Variants in COL4A1 observed in about 807,000 individuals in gnomAD.
COL4A1 encodes the protein collagen type IV alpha 1 chain, also known as collagen alpha-1(IV) chain.
In COL4A1, 40 loss-of-function variants were observed where a neutral mutation model predicts 216.6. The observed-to-expected ratio is 0.18, with a 90% CI of 0.14 to 0.24. The LOEUF (loss-of-function observed/expected upper bound fraction) is 0.24, where lower values mean the gene tolerates loss of function less well. Ranked by LOEUF, COL4A1 falls within the 10% of genes least tolerant of loss-of-function variation. COL4A1 has a pLI of 1.00. For synonymous variants in COL4A1, 839 were observed against 810.7 expected (o/e 1.03, Z -0.59); for missense variants, 1,628 against 2,196.8 (o/e 0.74, Z 5.18).
intron 1 of COL4A1, among the ~76,000 whole-genome samples, chr13:110,297,665 A>C (rs1389570793): frequency 6.6e-6 from 1 of 152,232 alleles, no homozygotes; most frequent in Non-Finnish European, 1.5e-5. Flanking sequence ...AGAAGAGAAC[A>C]GTGCAAGTGC....
At chr13:110,200,540 T>C (rs1265149271) in intron 20 of COL4A1, among the ~76,000 whole-genome samples, 1 of 151,886 alleles carries the variant, frequency 6.6e-6, no homozygotes, top group Non-Finnish European at 1.5e-5. Context: ...ACCTGCTCAG[T>C]GGGAGCCGTG....
chr13:110,219,942 G>GTA (rs1228791731), intron 2 of COL4A1, among the ~76,000 whole-genome samples: 3 of 85,804 alleles, frequency 3.5e-5, no homozygotes, highest in Admixed American at 1.5e-4. Flanking sequence ...ATATGTGTGT[G>GTA]TATATATACA....
intron 51 of COL4A1, among the ~76,000 whole-genome samples, chr13:110,150,885 T>C (rs1834233467): frequency 6.6e-6 from 1 of 152,248 alleles, no homozygotes; most frequent in South Asian, 2.1e-4. Flanking sequence ...TAAGTATTCA[T>C]TAAATATTTG....
intron 2 of COL4A1, among the ~76,000 whole-genome samples, chr13:110,221,252 T>A (rs775591058): frequency 6.6e-6 from 1 of 152,206 alleles, no homozygotes; most frequent in Non-Finnish European, 1.5e-5. Context: ...ATATTTCTGA[T>A]AGATCCACAT....
Position 110,156,585 on chromosome 13 carries a change from G to A in COL4A1, c.4641-1188C>T, listed in dbSNP as rs181816727. On this transcript the variant is annotated intron_variant, in intron 49 of 51. Transcript: ENST00000375820. ...CCAGGCTGATTCAGCTCAGCCTTGG[G>A]ACTGCACCAGAAACACATTAAAACA... Among the ~76,000 whole-genome samples, 78 of 152,274 alleles carry A rather than the reference G, an allele frequency of 5.1e-4. No homozygotes were observed. The East Asian group carries it at 0.012, about 23-fold the overall frequency.
Position 110,186,453 on chromosome 13 carries a change from G to A in COL4A1, c.1829C>T (p.Pro610Leu), listed in dbSNP as rs779327410. 6.2e-7 allele frequency: 1 copy of A among 1,613,848 alleles called. No individual in the cohort carries two copies. Among genetic ancestry groups the A allele is most frequent in the Non-Finnish European group, 8.5e-7 (1 of 1,179,998 alleles). ...TGPPGPPGYG[P>L]AGPIGDKGQA... is the part of the protein sequence containing the mutation. ...TCCTTTGTCACCAATGGGACCAGCA[G>A]GACCATATCCTGGAGGCCCAGGGGG... The change falls in exon 26 of 52, where the codon CCT becomes CTT. Residue 610 changes from proline to leucine, a missense_variant. By Grantham distance (98) the Pro-to-Leu change is moderately conservative. Transcript: ENST00000375820.
At chr13:110,249,184 G>A (rs932979115) in intron 1 of COL4A1, among the ~76,000 whole-genome samples, 9 of 152,052 alleles carry the variant, frequency 5.9e-5, no homozygotes, top group Non-Finnish European at 7.3e-5. Context: ...GACCTTCTGC[G>A]GGGGTGTGGC....
At chr13:110,163,678 A>G in intron 46 of COL4A1, 117 bp from the exon 47 acceptor site, 1 of 995,954 alleles carries the variant, frequency 1.0e-6, no homozygotes, top group Non-Finnish European at 1.5e-6. Context: ...CTCACTGCAG[A>G]TGAGAACGTT....
chr13:110,152,263 G>A (rs746961778), intron 51 of COL4A1, 71 bp downstream of exon 51: 1 of 1,592,392 alleles, frequency 6.3e-7, no homozygotes, highest in Non-Finnish European at 8.5e-7. Flanking sequence ...AGGTGTTACG[G>A]ATCGCGGATG....
chr13:110,250,757 T>G (rs1882036758), intron 1 of COL4A1, among the ~76,000 whole-genome samples: 2 of 152,198 alleles, frequency 1.3e-5, no homozygotes, highest in African/African-American at 4.8e-5. Context: ...GGGGCGAGCC[T>G]TCCCGTGCTT....
intron 29 of COL4A1, among the ~76,000 whole-genome samples, chr13:110,180,503 TG>T (rs1035084219): frequency 1.3e-5 from 2 of 152,244 alleles, no homozygotes; most frequent in African/African-American, 4.8e-5. Flanking sequence ...AGGCCCCACC[TG>T]GGTCCATCAC....
intron 11 of COL4A1, 88 bp downstream of exon 11, chr13:110,209,304 G>GTA: frequency 8.1e-7 from 1 of 1,228,742 alleles, no homozygotes; most frequent in Non-Finnish European, 1.2e-6. Flanking sequence ...TTTTTTTAGA[G>GTA]ACTGAAAGAA....
At position 110,177,005 on chromosome 13, in the gene COL4A1, T is replaced by G; in HGVS notation, c.2749A>C (p.Arg917=). The G allele has an allele frequency of 6.2e-7, 1 of 1,614,098 alleles. No individual in the cohort carries two copies. The highest frequency in any genetic ancestry group is 8.5e-7 in the Non-Finnish European group (1 of 1,180,032). The change falls in exon 34 of 52, where the codon AGG becomes CGG. Residue 917 remains arginine (R), a synonymous_variant. Transcript: ENST00000375820. ...TCACCTTTCAAGCCAGGGTCTCCCC[T>G]GGGTCCTGAGGAGCCCGGAAAGCCA... The part of the protein sequence containing the change: ...DHGFPGSSGP[R]GDPGLKGDKG...
chr13:110,185,636 G>A (rs948870263), intron 26 of COL4A1, among the ~76,000 whole-genome samples: 23 of 152,188 alleles, frequency 1.5e-4, no homozygotes, highest in African/African-American at 5.1e-4. Context: ...AAGAACAGGC[G>A]TGCTCCATGT....
At chr13:110,288,877 C>G (rs1883958420) in intron 1 of COL4A1, among the ~76,000 whole-genome samples, 1 of 152,094 alleles carries the variant, frequency 6.6e-6, no homozygotes, top group Non-Finnish European at 1.5e-5. Context: ...ACTAAAAATA[C>G]AAAAATTAGC....
chr13:110,167,705 A>C (rs1051890642), intron 43 of COL4A1, among the ~76,000 whole-genome samples: 2 of 152,242 alleles, frequency 1.3e-5, no homozygotes, highest in African/African-American at 4.8e-5. Flanking sequence ...ATATGCAAAG[A>C]AAATTAAGAA....
intron 1 of COL4A1, among the ~76,000 whole-genome samples, chr13:110,280,246 T>G (rs574101089): frequency 1.3e-5 from 2 of 152,376 alleles, no homozygotes; most frequent in African/African-American, 4.8e-5. Flanking sequence ...CTTAGTTTGC[T>G]GCGTGTTTGC....
intron 2 of COL4A1, among the ~76,000 whole-genome samples, chr13:110,233,953 G>A (rs1369221759): frequency 1.3e-5 from 2 of 152,220 alleles, no homozygotes; most frequent in African/African-American, 2.4e-5. Flanking sequence ...TTAGCTGGAT[G>A]GGGATCCATG....
chr13:110,150,016 T>C lies in COL4A1; in HGVS notation c.*347A>G. 2.8e-6 allele frequency: 1 copy of C among 354,162 alleles called. No homozygotes were observed. Among genetic ancestry groups the C allele is most frequent in the Non-Finnish European group, 5.5e-6 (1 of 183,412 alleles). The allele number at this position is 354,162 out of a possible 1,614,324, so 21.9% of individuals were successfully genotyped here. A position where few individuals can be genotyped will look rare whatever the true frequency, so the allele number is the denominator to read the frequency against. On this transcript the variant is annotated 3_prime_UTR_variant, in exon 52 of 52. Transcript: ENST00000375820. ...ATTAATTATAATACAAGAATGAAAA[T>C]GGGCAAACAGTATGGAAGGCACCCA...
Sources: allele counts gnomAD v4.1 joint callset (sites outside exome capture counted in the v4.1 genomes callset), GRCh38; gene constraint gnomAD v4.1.1; transcripts MANE v1.5; gene names NCBI Gene and HGNC (gene_info 2026-07-23, HGNC 2026-07-21).